The following PDSS2 variants were observed in gnomAD, a reference collection of about 807,000 sequenced individuals.
The protein encoded by PDSS2 is decaprenyl diphosphate synthase subunit 2, also known as all trans-polyprenyl-diphosphate synthase PDSS2.
Under a neutral mutation model 44.5 loss-of-function variants are expected in PDSS2, and 31 were observed. The ratio of observed to expected loss-of-function variants is 0.70; its 90% CI spans 0.52 to 0.94. The LOEUF (loss-of-function observed/expected upper bound fraction) is 0.94, where lower values mean the gene tolerates loss of function less well. Among genes scored for constraint, PDSS2 ranks in the 40% least tolerant of loss-of-function variants. The pLI, the probability that PDSS2 is intolerant of heterozygous loss-of-function variation, is 0.00. For missense variants in PDSS2, 452 were observed against 482.2 expected, an observed-to-expected ratio of 0.94 and a Z score of 0.59; for synonymous variants, 157 against 180.3, an observed-to-expected ratio of 0.87 and a Z score of 1.03.
chr6:107,423,792 T>C (rs1780900332), intron 1 of PDSS2, among the ~76,000 whole-genome samples: 1 of 152,160 alleles, frequency 6.6e-6, no homozygotes, highest in Non-Finnish European at 1.5e-5. Flanking sequence ...AGTAACATAA[T>C]ACTACCACTC....
At chr6:107,199,975 T>C (rs1772712764) in intron 6 of PDSS2, among the ~76,000 whole-genome samples, 1 of 152,168 alleles carries the variant, frequency 6.6e-6, no homozygotes. Flanking sequence ...TAAGCTTCCA[T>C]CTGTAGAAAA....
chr6:107,291,886 T>C (rs1776361477), intron 2 of PDSS2, among the ~76,000 whole-genome samples: 1 of 152,060 alleles, frequency 6.6e-6, no homozygotes, highest in African/African-American at 2.4e-5. Flanking sequence ...ATGCCAAGGC[T>C]GTAGGCCGTA....
intron 7 of PDSS2, among the ~76,000 whole-genome samples, chr6:107,166,004 C>T (rs565514836): frequency 1.3e-5 from 2 of 152,092 alleles, no homozygotes; most frequent in Non-Finnish European, 2.9e-5. Context: ...GTGATTTTTG[C>T]ACTTTGATTT....
intron 3 of PDSS2, among the ~76,000 whole-genome samples, chr6:107,261,139 T>G (rs1775207650): frequency 6.6e-6 from 1 of 152,254 alleles, no homozygotes; most frequent in Non-Finnish European, 1.5e-5. Context: ...GATTCCTGCC[T>G]TCGCATCTGC....
chr6:107,214,304 C>T (rs934784959), intron 4 of PDSS2, among the ~76,000 whole-genome samples: 3 of 151,910 alleles, frequency 2.0e-5, no homozygotes, highest in Admixed American at 6.6e-5. Flanking sequence ...GGGGTTTCAC[C>T]GTGGTCTCGA....
intron 1 of PDSS2, among the ~76,000 whole-genome samples, chr6:107,402,479 C>CAG (rs1780155404): frequency 2.3e-5 from 1 of 43,370 alleles, no homozygotes; most frequent in Non-Finnish European, 3.7e-5. Context: ...TATATGTATA[C>CAG]ATATATACGT....
intron 7 of PDSS2, among the ~76,000 whole-genome samples, chr6:107,172,120 A>G (rs1244857407): frequency 6.6e-6 from 1 of 152,210 alleles, no homozygotes; most frequent in African/African-American, 2.4e-5. Context: ...GGATCCAATT[A>G]AAGATATTAA....
chr6:107,356,026 G>A (rs1778588938), intron 1 of PDSS2, among the ~76,000 whole-genome samples: 1 of 152,170 alleles, frequency 6.6e-6, no homozygotes, highest in South Asian at 2.1e-4. Context: ...TTATAGAGAG[G>A]CACAAGGCTG....
intron 1 of PDSS2, among the ~76,000 whole-genome samples, chr6:107,360,883 C>CT (rs1482727506): frequency 6.6e-6 from 1 of 152,084 alleles, no homozygotes; most frequent in Non-Finnish European, 1.5e-5. Flanking sequence ...GCAGTATTTC[C>CT]TTTAACAAAG....
At chr6:107,318,949 T>A (rs1582935863) in intron 2 of PDSS2, among the ~76,000 whole-genome samples, 1 of 151,758 alleles carries the variant, frequency 6.6e-6, no homozygotes, top group African/African-American at 2.4e-5. Flanking sequence ...GATTGTGCCA[T>A]TGCACTCCAG....
chr6:107,419,308 TGA>T (rs1214814549), intron 1 of PDSS2, among the ~76,000 whole-genome samples: 2 of 152,336 alleles, frequency 1.3e-5, no homozygotes, highest in East Asian at 3.9e-4. Context: ...AATTTAGCAC[TGA>T]GAGTTGCATC....
chr6:107,182,979 G>A (rs1286313836), intron 7 of PDSS2, among the ~76,000 whole-genome samples: 3 of 152,134 alleles, frequency 2.0e-5, no homozygotes, highest in African/African-American at 4.8e-5. Flanking sequence ...GGGAGGCCAA[G>A]GTAGGAGGAT....
At chr6:107,382,205 T>A (rs1779474503) in intron 1 of PDSS2, among the ~76,000 whole-genome samples, 1 of 152,232 alleles carries the variant, frequency 6.6e-6, no homozygotes. Context: ...CCTTTTATAA[T>A]GTCAGGTGCG....
intron 6 of PDSS2, chr6:107,197,794 T>A: frequency 2.1e-6 from 1 of 470,804 alleles, no homozygotes; most frequent in East Asian, 7.0e-5. Flanking sequence ...CTCCTCTTCA[T>A]GCTCTCTCAA....
chr6:107,441,291 C>A (rs1781502512), intron 1 of PDSS2, among the ~76,000 whole-genome samples: 2 of 152,182 alleles, frequency 1.3e-5, no homozygotes, highest in African/African-American at 4.8e-5. Context: ...AAATTAGTCA[C>A]ACAGTCACAC....
At position 107,210,460 on chromosome 6, in the gene PDSS2, C is replaced by A. The variant is rs769373709; in HGVS notation, c.987G>T (p.Leu329Phe). The part of the protein sequence containing the change: ...VLHQEFLGRD[L>F]WIKQIGEAQE... The stretch of plus-strand genomic sequence containing the variant: ...TTACCTCTCCGATCTGTTTAATCCA[C>A]AAATCTCTTCCAAGAAATTCCTGAT... Residue 329 changes from leucine (L) to phenylalanine (F), a missense_variant, in exon 6 of 8, where the codon TTG becomes TTT. Transcript: ENST00000369037. The A allele has an allele frequency of 2.5e-6, 4 of 1,610,304 alleles. No homozygotes were observed. Among genetic ancestry groups the A allele is most frequent in the South Asian group, 1.1e-5 (1 of 90,988 alleles).
At chr6:107,237,431 C>T (rs942569128) in intron 4 of PDSS2, among the ~76,000 whole-genome samples, 6 of 151,494 alleles carry the variant, frequency 4.0e-5, no homozygotes, top group Non-Finnish European at 7.4e-5. Flanking sequence ...TTAGTAGAGA[C>T]GGGGTTTCAC....
At position 107,374,020 on chromosome 6, in the gene PDSS2, G is replaced by A. The variant is rs149902345; in HGVS notation, c.297-39688C>T. Among the ~76,000 whole-genome samples, 28 of 152,234 alleles carry A rather than the reference G, an allele frequency of 1.8e-4. No individual in the cohort carries two copies. The East Asian group carries it at 3.7e-3, about 20-fold the overall frequency. On this transcript the variant is annotated intron_variant, in intron 1 of 7. Coordinates refer to ENST00000369037, the MANE Select transcript of PDSS2 (RefSeq NM_020381.4). ...TGTAATCTCAGAACTTTGGGAGGCC[G>A]AGGCACGGCAGATTACTTGAGGTCA...
intron 7 of PDSS2, among the ~76,000 whole-genome samples, chr6:107,171,980 A>G (rs1771595455): frequency 7.5e-6 from 1 of 133,458 alleles, no homozygotes; most frequent in Non-Finnish European, 1.5e-5. Context: ...GTGAATTAAC[A>G]GTCAGTGTTT....
Sources: gnomAD v4.1 joint callset for allele counts (sites outside exome capture counted in the v4.1 genomes callset) on GRCh38, gnomAD v4.1.1 for gene constraint, MANE v1.5 for transcripts, NCBI Gene and HGNC (gene_info 2026-07-23, HGNC 2026-07-21) for gene names.